ATE1: variants seen among roughly 807,000 people sequenced by gnomAD.
The protein encoded by ATE1 is arginyl-tRNA--protein transferase 1.
In ATE1, 36 loss-of-function variants were observed where a neutral mutation model predicts 70.5. That is an observed-to-expected ratio of 0.51 (90% CI 0.39 to 0.67). The LOEUF (loss-of-function observed/expected upper bound fraction) is 0.67, where lower values mean the gene tolerates loss of function less well. Among genes scored for constraint, ATE1 ranks in the 30% least tolerant of loss-of-function variants. The pLI is 0.00. For missense variants in ATE1, 593 were observed against 629.5 expected (o/e 0.94, Z 0.62); for synonymous variants, 232 against 219.3 (o/e 1.06, Z -0.51).
intron 10 of ATE1, among the ~76,000 whole-genome samples, chr10:121,797,288 A>G (rs1043233463): frequency 6.6e-6 from 1 of 152,208 alleles, no homozygotes; most frequent in Non-Finnish European, 1.5e-5. Flanking sequence ...GGAGCAAAAA[A>G]TGTTTCCAGC....
intron 10 of ATE1, among the ~76,000 whole-genome samples, chr10:121,799,238 G>A (rs11200163): frequency 0.31 from 47,330 of 151,964 alleles, 7,527 homozygotes; most frequent in Middle Eastern, 0.36. Context: ...AAGAACGGGT[G>A]GTGGGCACAG....
intron 11 of ATE1, among the ~76,000 whole-genome samples, chr10:121,784,993 C>T (rs1946148110): frequency 6.6e-6 from 1 of 152,132 alleles, no homozygotes; most frequent in Admixed American, 6.5e-5. Context: ...ACTTGGGAGC[C>T]AAATTTCCAA....
At chr10:121,914,822 A>C (rs540604610) in intron 3 of ATE1, among the ~76,000 whole-genome samples, 7 of 152,226 alleles carry the variant, frequency 4.6e-5, no homozygotes, top group Non-Finnish European at 7.3e-5. Context: ...AAAAGTGTAC[A>C]CAGTACATGT....
At chr10:121,845,540 C>G (rs1948785151) in intron 8 of ATE1, among the ~76,000 whole-genome samples, 1 of 152,148 alleles carries the variant, frequency 6.6e-6, no homozygotes, top group South Asian at 2.1e-4. Flanking sequence ...CTGACCTAAG[C>G]AACTCTGGAA....
At chr10:121,871,547 T>C (rs1269677364) in intron 7 of ATE1, among the ~76,000 whole-genome samples, 1 of 152,204 alleles carries the variant, frequency 6.6e-6, no homozygotes, top group Non-Finnish European at 1.5e-5. Flanking sequence ...CGTGATTCTA[T>C]CTACTTTGTA....
chr10:121,825,002 AAAGT>A (rs1282254294), intron 10 of ATE1, among the ~76,000 whole-genome samples: 7 of 152,092 alleles, frequency 4.6e-5, no homozygotes, highest in African/African-American at 1.7e-4. Context: ...AAAAGGAGAC[AAAGT>A]AAAGAAAAAA....
chr10:121,906,740 C>T (rs1349928207), intron 5 of ATE1, among the ~76,000 whole-genome samples: 6 of 151,794 alleles, frequency 4.0e-5, no homozygotes, highest in Non-Finnish European at 7.4e-5. Flanking sequence ...CAGGGATTTC[C>T]GACACGCACC....
chr10:121,870,035 T>C lies in ATE1; in HGVS notation c.946A>G (p.Thr316Ala). 2 of 1,610,572 alleles carry C rather than the reference T, an allele frequency of 1.2e-6. No individual in the cohort carries two copies. The highest frequency in any genetic ancestry group is 1.1e-5 in the South Asian group (1 of 90,572). The change falls in exon 8 of 12, where the codon ACA (threonine) becomes GCA (alanine). Residue 316 changes from threonine (T) to alanine (A), a missense_variant. By Grantham distance (58) the Thr-to-Ala change is moderately conservative (BLOSUM62 0). Coordinates refer to ENST00000224652, the MANE Select transcript of ATE1 (RefSeq NM_001001976.3). ...PPDTPTESQF[T>A]RFLCSSPLEA... ...AAGGGTGAACTGCAAAGGAATCTTGTGAACTGCAGTCAAATTTGAACAGAA... is the reference window on the plus strand; with the variant it reads ...AAGGGTGAACTGCAAAGGAATCTTGCGAACTGCAGTCAAATTTGAACAGAA...
At chr10:121,761,937 T>A (rs1257585602) in intron 11 of ATE1, among the ~76,000 whole-genome samples, 1 of 152,212 alleles carries the variant, frequency 6.6e-6, no homozygotes, top group African/African-American at 2.4e-5. Flanking sequence ...ATCTTAATTC[T>A]ATTTTTCTTT....
intron 10 of ATE1, among the ~76,000 whole-genome samples, chr10:121,808,819 C>T (rs1455121861): frequency 6.6e-6 from 1 of 152,154 alleles, no homozygotes; most frequent in Non-Finnish European, 1.5e-5. Context: ...TGATACTACA[C>T]CAAAATCGCA....
chr10:121,889,378 G>A (rs573202000), intron 7 of ATE1, among the ~76,000 whole-genome samples: 4 of 151,886 alleles, frequency 2.6e-5, no homozygotes, highest in African/African-American at 9.7e-5. Flanking sequence ...AAATGTCAAA[G>A]TCATTAAATG....
In ATE1 at chr10:121,922,529, G is replaced by A. The variant is rs567562912; in HGVS notation, c.171-118C>T. ...TCTAATCAACATTGTAGAAATGCAT[G>A]TAGGTTTAATTACTCTTCATAAGCC... On this transcript the variant is annotated intron_variant, in intron 2 of 11. Transcript: ENST00000224652. 9.6e-5 allele frequency: 63 copies of A among 658,436 alleles called. No individual in the cohort carries two copies. The Admixed American group carries it at 1.4e-3, about 15-fold the overall frequency. 40.8% of individuals were successfully genotyped at this position (658,436 alleles called of 1,614,324 possible).
intron 9 of ATE1, among the ~76,000 whole-genome samples, chr10:121,839,254 A>G (rs1948541917): frequency 6.6e-6 from 1 of 152,322 alleles, no homozygotes; most frequent in South Asian, 2.1e-4. Flanking sequence ...AACTCTTGCT[A>G]ATTTTGCTGG....
chr10:121,761,826 T>A (rs1232273557), intron 11 of ATE1, among the ~76,000 whole-genome samples: 2 of 152,186 alleles, frequency 1.3e-5, no homozygotes, highest in Non-Finnish European at 2.9e-5. Context: ...TATAATCGAT[T>A]TTTTCTCTAT....
chr10:121,864,659 A>G (rs1451436074), intron 8 of ATE1, among the ~76,000 whole-genome samples: 2 of 152,256 alleles, frequency 1.3e-5, no homozygotes, highest in South Asian at 2.1e-4. Context: ...TTTGTCCCAC[A>G]TGTTTTTTGT....
At chr10:121,790,550 T>C (rs1168635980) in intron 10 of ATE1, among the ~76,000 whole-genome samples, 1 of 152,200 alleles carries the variant, frequency 6.6e-6, no homozygotes, top group African/African-American at 2.4e-5. Context: ...TTACTCCCTT[T>C]TGGAAGAAAT....
chr10:121,926,987 C>T (rs1159807615), intron 1 of ATE1: 4 of 985,318 alleles, frequency 4.1e-6, no homozygotes, highest in Non-Finnish European at 4.8e-6. Context: ...AATCATTCCC[C>T]ACTTACACCT....
intron 5 of ATE1, among the ~76,000 whole-genome samples, chr10:121,906,689 C>T (rs1033987522): frequency 1.3e-5 from 2 of 152,048 alleles, no homozygotes; most frequent in Non-Finnish European, 2.9e-5. Flanking sequence ...ACCTCTGCCC[C>T]CTGGGTTCAA....
intron 8 of ATE1, among the ~76,000 whole-genome samples, chr10:121,867,886 G>A (rs1397562691): frequency 3.3e-5 from 5 of 152,106 alleles, no homozygotes; most frequent in East Asian, 1.9e-4. Flanking sequence ...TTTATTTGAC[G>A]TGTTCCTGTT....
Sources: gnomAD v4.1 joint callset for allele counts (sites outside exome capture counted in the v4.1 genomes callset) on GRCh38, gnomAD v4.1.1 for gene constraint, MANE v1.5 for transcripts, NCBI Gene and HGNC (gene_info 2026-07-23, HGNC 2026-07-21) for gene names.